The following UBE4B variants were observed in gnomAD, a reference collection of about 807,000 sequenced individuals.
UBE4B encodes ubiquitination factor E4B.
Under a neutral mutation model 148.1 loss-of-function variants are expected in UBE4B, and 27 were observed. The observed-to-expected ratio is 0.18, with a 90% CI of 0.13 to 0.25. UBE4B has a LOEUF of 0.25. Ranked by LOEUF, UBE4B falls within the 10% of genes least tolerant of loss-of-function variation. The probability of loss-of-function intolerance (pLI) is 1.00; values close to 1 mark genes in which losing one functional copy is unlikely to be tolerated. For synonymous variants in UBE4B, 596 were observed against 619.3 expected, an observed-to-expected ratio of 0.96 and a Z score of 0.56; for missense variants, 1,170 against 1,662.4, an observed-to-expected ratio of 0.70 and a Z score of 5.15.
intron 17 of UBE4B, among the ~76,000 whole-genome samples, chr1:10,140,661 C>G (rs1019792602): frequency 2.0e-5 from 3 of 152,190 alleles, no homozygotes; most frequent in Non-Finnish European, 4.4e-5. Context: ...ACCTTTGCTC[C>G]TGGCTTGCAG....
chr1:10,167,474 T>TAATAATAATAATAATAATAATAACGAC, intron 23 of UBE4B, among the ~76,000 whole-genome samples: 1 of 149,680 alleles, frequency 6.7e-6, no homozygotes, highest in African/African-American at 2.5e-5. Context: ...ATAATAATAA[T>TAATAATAATAATAATAATAATAACGAC]GACTAAGTAA....
At chr1:10,175,606 G>A (rs574717288) in intron 25 of UBE4B, among the ~76,000 whole-genome samples, 1,544 of 152,042 alleles carry the variant, frequency 0.01, 15 homozygotes, top group Non-Finnish European at 0.016. Context: ...AGCCGAGATC[G>A]CGCCACTGCA....
chr1:10,130,627 T>A lies in UBE4B; in HGVS notation c.1812+11T>A. The A allele has an allele frequency of 1.2e-6, 2 of 1,613,030 alleles. No individual in the cohort carries two copies. Among genetic ancestry groups the A allele is most frequent in the Non-Finnish European group, 1.7e-6 (2 of 1,178,998 alleles). ...TTTGCAGAAGATGATGTAAGTATAG[T>A]GGCTACTTGTACTTTGCTGCCCTTT... On this transcript the variant is annotated intron_variant, in intron 13 of 27. Transcript: ENST00000343090.
At chr1:10,108,681 G>A (rs886977122) in intron 7 of UBE4B, among the ~76,000 whole-genome samples, 2 of 152,174 alleles carry the variant, frequency 1.3e-5, no homozygotes, top group African/African-American at 2.4e-5. Flanking sequence ...TAGAGAATAC[G>A]TAAAGAGACA....
At chr1:10,061,696 CT>C (rs1409903751) in intron 1 of UBE4B, among the ~76,000 whole-genome samples, 2 of 152,122 alleles carry the variant, frequency 1.3e-5, no homozygotes, top group Non-Finnish European at 2.9e-5. Context: ...ATTTGGACCC[CT>C]GCCCCAGGTA....
chr1:10,126,335 A>G (rs1195219637), intron 10 of UBE4B, among the ~76,000 whole-genome samples: 2 of 152,164 alleles, frequency 1.3e-5, no homozygotes, highest in African/African-American at 4.8e-5. Context: ...AGATAGATAG[A>G]TAGATAGATA....
chr1:10,085,995 A>G (rs944557442), intron 2 of UBE4B, among the ~76,000 whole-genome samples: 2 of 150,214 alleles, frequency 1.3e-5, no homozygotes, highest in Non-Finnish European at 3.0e-5. Context: ...TTTTTGAGAC[A>G]GAGTCTCGCT....
At chr1:10,129,573 G>A (rs998723402) in intron 12 of UBE4B, 125 bp downstream of exon 12, 99 of 827,700 alleles carry the variant, frequency 1.2e-4, no homozygotes, top group Non-Finnish European at 1.7e-4. Flanking sequence ...CGGAGGTAAC[G>A]TGTCTGGGAG....
intron 2 of UBE4B, among the ~76,000 whole-genome samples, chr1:10,083,889 A>G (rs1181449055): frequency 6.6e-6 from 1 of 152,164 alleles, no homozygotes; most frequent in Non-Finnish European, 1.5e-5. Flanking sequence ...TCCTAGGGTC[A>G]TACTAATTAC....
chr1:10,103,215 G>A, intron 5 of UBE4B, 123 bp downstream of exon 5: 1 of 1,004,072 alleles, frequency 1.0e-6, no homozygotes, highest in South Asian at 1.9e-5. Context: ...TTGATGACAG[G>A]GATACTTCTT....
At chr1:10,092,216 C>G (rs1644858449) in intron 2 of UBE4B, among the ~76,000 whole-genome samples, 1 of 142,884 alleles carries the variant, frequency 7.0e-6, no homozygotes, top group Non-Finnish European at 1.5e-5. Context: ...ATAGTGAGAC[C>G]CATCTCTTTT....
chr1:10,141,909 T>C (rs1219960814), intron 17 of UBE4B, among the ~76,000 whole-genome samples: 1 of 152,172 alleles, frequency 6.6e-6, no homozygotes, highest in Non-Finnish European at 1.5e-5. Flanking sequence ...AGATAAGAGG[T>C]CCAGCAAAGT....
chr1:10,134,516 A>G (rs1212118151), intron 15 of UBE4B, among the ~76,000 whole-genome samples: 5 of 152,112 alleles, frequency 3.3e-5, no homozygotes, highest in African/African-American at 7.2e-5. Flanking sequence ...CCATCTCAAA[A>G]AAAAGAAAAG....
intron 19 of UBE4B, among the ~76,000 whole-genome samples, chr1:10,148,866 G>A (rs964485573): frequency 6.6e-6 from 1 of 151,870 alleles, no homozygotes; most frequent in Non-Finnish European, 1.5e-5. Context: ...ATTGAACTGG[G>A]GAGGTGGAGG....
intron 21 of UBE4B, among the ~76,000 whole-genome samples, chr1:10,157,933 A>G (rs1443182729): frequency 6.6e-6 from 1 of 152,244 alleles, no homozygotes; most frequent in African/African-American, 2.4e-5. Context: ...AAAATGGTCA[A>G]TAGATAGACA....
At chr1:10,095,746 A>AT in intron 3 of UBE4B, 150 bp downstream of exon 3, 5 of 868,986 alleles carry the variant, frequency 5.8e-6, no homozygotes, top group Non-Finnish European at 8.6e-6. Flanking sequence ...AAATTTAAAG[A>AT]TTTTGTATTA....
At chr1:10,099,640 G>T (rs1644978415) in intron 3 of UBE4B, among the ~76,000 whole-genome samples, 1 of 152,156 alleles carries the variant, frequency 6.6e-6, no homozygotes, top group African/African-American at 2.4e-5. Flanking sequence ...ATGTGTAGAA[G>T]AGGAAAGAGC....
intron 11 of UBE4B, among the ~76,000 whole-genome samples, chr1:10,127,173 T>C (rs1645513845): frequency 6.6e-6 from 1 of 151,838 alleles, no homozygotes; most frequent in African/African-American, 2.4e-5. Context: ...GCAATGAGCA[T>C]ACCATAGTTG....
At chr1:10,174,664 T>G (rs573629078) in intron 25 of UBE4B, among the ~76,000 whole-genome samples, 1 of 147,504 alleles carries the variant, frequency 6.8e-6, no homozygotes, top group East Asian at 2.0e-4. Flanking sequence ...ATCGTGCCAT[T>G]GCACTCCAGC....
Sources: gnomAD v4.1 joint callset for allele counts (sites outside exome capture counted in the v4.1 genomes callset) on GRCh38, gnomAD v4.1.1 for gene constraint, MANE v1.5 for transcripts, NCBI Gene and HGNC (gene_info 2026-07-23, HGNC 2026-07-21) for gene names.